PXDNL: variants seen among roughly 807,000 people sequenced by gnomAD.
The protein encoded by PXDNL is probable oxidoreductase PXDNL.
Under a neutral mutation model 150.8 loss-of-function variants are expected in PXDNL, and 145 were observed. The ratio of observed to expected loss-of-function variants is 0.96; its 90% CI spans 0.84 to 1.10. The LOEUF is 1.10. PXDNL is among the 50% of genes least tolerant of loss of function. The pLI, the probability that PXDNL is intolerant of heterozygous loss-of-function variation, is 0.00. For missense variants in PXDNL, 2,087 were observed against 1,873.9 expected, an observed-to-expected ratio of 1.11 and a Z score of -2.10; for synonymous variants, 757 against 725.7, an observed-to-expected ratio of 1.04 and a Z score of -0.69.
chr8:51,338,946 G>C (rs527399359), intron 21 of PXDNL, among the ~76,000 whole-genome samples: 5 of 152,188 alleles, frequency 3.3e-5, no homozygotes, highest in Admixed American at 6.5e-5. Context: ...AGTATACATC[G>C]TGCTGTTAAA....
intron 14 of PXDNL, among the ~76,000 whole-genome samples, chr8:51,416,015 T>C (rs1016316369): frequency 5.3e-5 from 8 of 152,240 alleles, no homozygotes; most frequent in African/African-American, 1.9e-4. Flanking sequence ...GAAACTAAAA[T>C]CAATCAAATC....
intron 1 of PXDNL, among the ~76,000 whole-genome samples, chr8:51,760,016 A>G (rs866169661): frequency 3.3e-5 from 5 of 152,218 alleles, no homozygotes; most frequent in African/African-American, 1.2e-4. Context: ...TCTCCAGGTA[A>G]AGGAAGAAAC....
At chr8:51,573,677 A>G (rs1380794433) in intron 3 of PXDNL, among the ~76,000 whole-genome samples, 3 of 152,024 alleles carry the variant, frequency 2.0e-5, no homozygotes, top group African/African-American at 7.2e-5. Context: ...ACGAGGCAGC[A>G]TTCCTTCCTT....
In PXDNL at chr8:51,543,728, A is replaced by AG. The variant is rs1286677264; in HGVS notation, c.380+13111_380+13112insC. ...TCCATATCAAAAAAAAAAAAAAAAA[A>AG]AAAGAAAGAAAGAAATAATGACCAG... On this transcript the variant is annotated intron_variant, in intron 4 of 22. Transcript: ENST00000356297. Among the ~76,000 whole-genome samples, 716 of 150,804 alleles carry AG rather than the reference A, an allele frequency of 4.7e-3. 1 individual carries two copies. Among genetic ancestry groups the AG allele is most frequent in the African/African-American group, 0.016 (673 of 40,850 alleles).
chr8:51,698,667 T>C (rs1816192550), intron 1 of PXDNL, among the ~76,000 whole-genome samples: 1 of 152,228 alleles, frequency 6.6e-6, no homozygotes, highest in Admixed American at 6.5e-5. Context: ...CTTAACATTA[T>C]CTAAAATGGT....
rs1451577464 is a variant in PXDNL, at chr8:51,578,136, G to A, written c.308+14491C>T. On this transcript the variant is annotated intron_variant, in intron 3 of 22. Transcript: ENST00000356297. ...AAAGAAAGAAGGAAAGAAAGAAAGAGTGAGAGAGAGAGAAAGAAAGAGAAA... is the reference window on the plus strand; with the variant it reads ...AAAGAAAGAAGGAAAGAAAGAAAGAATGAGAGAGAGAGAAAGAAAGAGAAA... 8.0e-4 allele frequency among the ~76,000 whole-genome samples: 102 copies of A among 127,532 alleles called. 9 individuals carry two copies. Among genetic ancestry groups the A allele is most frequent in the African/African-American group, 4.0e-3 (94 of 23,796 alleles). The allele number at this position is 127,532 out of a possible 152,430, so 83.7% of individuals were successfully genotyped here. A position where few individuals can be genotyped will look rare whatever the true frequency, so the allele number is the denominator to read the frequency against.
At chr8:51,635,606 A>T (rs967665498) in intron 2 of PXDNL, among the ~76,000 whole-genome samples, 1 of 152,030 alleles carries the variant, frequency 6.6e-6, no homozygotes, top group African/African-American at 2.4e-5. Flanking sequence ...TAACCTAAAT[A>T]AAATAGAGAA....
intron 3 of PXDNL, among the ~76,000 whole-genome samples, chr8:51,585,097 G>T (rs1267176999): frequency 6.6e-6 from 1 of 152,152 alleles, no homozygotes; most frequent in Non-Finnish European, 1.5e-5. Context: ...TTGGATGACT[G>T]TATGAGTCTG....
At chr8:51,739,547 A>G (rs1013599130) in intron 1 of PXDNL, among the ~76,000 whole-genome samples, 6 of 152,238 alleles carry the variant, frequency 3.9e-5, no homozygotes, top group African/African-American at 1.2e-4. Flanking sequence ...TCTCCTAGAA[A>G]TAACAGGTGA....
chr8:51,598,458 C>T (rs193063195), intron 2 of PXDNL, among the ~76,000 whole-genome samples: 6 of 152,286 alleles, frequency 3.9e-5, no homozygotes, highest in Admixed American at 1.3e-4. Flanking sequence ...TGAATTTCAT[C>T]AAAAGCTCTT....
At chr8:51,638,990 C>T (rs201835491) in intron 2 of PXDNL, among the ~76,000 whole-genome samples, 1 of 152,018 alleles carries the variant, frequency 6.6e-6, no homozygotes, top group Non-Finnish European at 1.5e-5. Context: ...ACAGAAATTA[C>T]AACAAACTGT....
rs139258198 is a variant in PXDNL at position 51,683,898 on chromosome 8, T to C, written c.165-29138A>G. Among the ~76,000 whole-genome samples the C allele has an allele frequency of 5.3e-5, 8 of 152,332 alleles. No homozygotes were observed. The East Asian group carries it at 1.5e-3, about 29-fold the overall frequency. On this transcript the variant is annotated intron_variant, in intron 1 of 22. Transcript: ENST00000356297. Reference sequence around the variant, plus strand: ...ACTTTCCTCTTCCCCTTCGAATATATTGTTCTTACCTTAAGTGTTCCAAAA... The same window carrying C: ...ACTTTCCTCTTCCCCTTCGAATATACTGTTCTTACCTTAAGTGTTCCAAAA...
chr8:51,547,330 C>T (rs1358560840), intron 4 of PXDNL, among the ~76,000 whole-genome samples: 2 of 152,142 alleles, frequency 1.3e-5, no homozygotes, highest in Non-Finnish European at 2.9e-5. Flanking sequence ...CCTGGCTAAC[C>T]ACAGATCCTG....
intron 3 of PXDNL, among the ~76,000 whole-genome samples, chr8:51,564,406 G>A (rs778875106): frequency 6.6e-6 from 1 of 151,562 alleles, no homozygotes; most frequent in Non-Finnish European, 1.5e-5. Flanking sequence ...TACTGTGCAG[G>A]TTTGTTACAT....
chr8:51,429,136 C>T (rs1358802110), intron 12 of PXDNL, among the ~76,000 whole-genome samples: 3 of 152,136 alleles, frequency 2.0e-5, no homozygotes, highest in Non-Finnish European at 2.9e-5. Flanking sequence ...TGTGATATTA[C>T]TACACACCTA....
At chr8:51,717,910 T>G (rs1187089232) in intron 1 of PXDNL, among the ~76,000 whole-genome samples, 1 of 151,960 alleles carries the variant, frequency 6.6e-6, no homozygotes, top group Non-Finnish European at 1.5e-5. Context: ...ATAAGGGGGG[T>G]TTCCAAAACC....
At chr8:51,741,641 A>C (rs948772356) in intron 1 of PXDNL, among the ~76,000 whole-genome samples, 35 of 152,222 alleles carry the variant, frequency 2.3e-4, no homozygotes, top group Admixed American at 1.0e-3. Context: ...AGAAGCAGAC[A>C]TATAGGTCAA....
chr8:51,589,620 T>C (rs1363288481), intron 3 of PXDNL, among the ~76,000 whole-genome samples: 3 of 152,266 alleles, frequency 2.0e-5, no homozygotes, highest in South Asian at 4.1e-4. Context: ...CTTGGCTGAA[T>C]TGTGTTGGTG....
At chr8:51,558,853 C>T (rs980048443) in intron 3 of PXDNL, among the ~76,000 whole-genome samples, 1 of 152,154 alleles carries the variant, frequency 6.6e-6, no homozygotes, top group East Asian at 1.9e-4. Flanking sequence ...GAGTAACAGA[C>T]CAATACACTG....
Sources: gnomAD v4.1 joint callset for allele counts (sites outside exome capture counted in the v4.1 genomes callset) on GRCh38, gnomAD v4.1.1 for gene constraint, MANE v1.5 for transcripts, NCBI Gene and HGNC (gene_info 2026-07-23, HGNC 2026-07-21) for gene names.